The following SOD2 variants were observed in gnomAD, a reference collection of about 807,000 sequenced individuals.
The protein encoded by SOD2 is superoxide dismutase 2.
Under a neutral mutation model 27.0 loss-of-function variants are expected in SOD2, and 11 were observed. The ratio of observed to expected loss-of-function variants is 0.41; its 90% CI spans 0.26 to 0.67. The LOEUF (loss-of-function observed/expected upper bound fraction) is 0.67. Ranked by LOEUF, SOD2 falls within the 30% of genes least tolerant of loss-of-function variation. SOD2 has a pLI of 0.34. For synonymous variants in SOD2, 105 were observed against 103.0 expected, an observed-to-expected ratio of 1.02 and a Z score of -0.12; for missense variants, 250 against 274.5, an observed-to-expected ratio of 0.91 and a Z score of 0.63.
rs868650009 is a variant in SOD2, at chr6:159,677,905, A to G, written c.*4588T>C. 2.0e-5 allele frequency: 3 copies of G among 152,184 alleles called. No homozygotes were observed. The highest frequency in any genetic ancestry group is 2.9e-5 in the Non-Finnish European group (2 of 68,040). 9.4% of individuals were successfully genotyped at this position (152,184 alleles called of 1,614,324 possible). On this transcript the variant is annotated 3_prime_UTR_variant, in exon 5 of 5. Coordinates refer to ENST00000538183, the MANE Select transcript of SOD2 (RefSeq NM_000636.4). ...CCCTTGAAGTATCTTTGGTTTGCCAATGAAATGATTGGTGGCTGGGAGCCT... is the reference window on the plus strand; with the variant it reads ...CCCTTGAAGTATCTTTGGTTTGCCAGTGAAATGATTGGTGGCTGGGAGCCT...
chr6:159,698,935 G>A (rs1175865403), intron 1 of SOD2, among the ~76,000 whole-genome samples: 1 of 115,708 alleles, frequency 8.6e-6, no homozygotes, highest in African/African-American at 3.3e-5. Context: ...GCTGTCTGGG[G>A]GGTGGGGGGC....
chr6:159,725,545 G>A (rs1778142109), intron 1 of SOD2: 1 of 150,400 alleles, frequency 6.6e-6, no homozygotes, highest in African/African-American at 2.4e-5. Flanking sequence ...TTAGTTAACA[G>A]TTAAGTTCAT....
upstream of SOD2, among the ~76,000 whole-genome samples, chr6:159,729,753 G>C (rs544719022): frequency 1.3e-5 from 2 of 152,298 alleles, no homozygotes; most frequent in African/African-American, 4.8e-5. Context: ...TCAGTACCTT[G>C]CTACTACAGT....
At chr6:159,697,734 A>C (rs912319790), upstream of SOD2, among the ~76,000 whole-genome samples, 1 of 152,246 alleles carries the variant, frequency 6.6e-6, no homozygotes, top group African/African-American at 2.4e-5. Context: ...AAGCAAAGAC[A>C]GTGACTTGAC....
chr6:159,682,173 A>C lies in SOD2; in HGVS notation c.*320T>G, dbSNP rs1297633772. The C allele has an allele frequency of 5.6e-6, 1 of 177,402 alleles. No individual in the cohort carries two copies. The highest frequency in any genetic ancestry group is 1.2e-5 in the Non-Finnish European group (1 of 84,790). 11.0% of individuals were successfully genotyped at this position (177,402 alleles called of 1,614,324 possible). A position where few individuals can be genotyped will look rare whatever the true frequency, so the allele number is the denominator to read the frequency against. ...TCTATAACTGCAATAGAATAGGACTAGAAAGGCATCCCTACAAGTCCCCAA... is the reference window on the plus strand; with the variant it reads ...TCTATAACTGCAATAGAATAGGACTCGAAAGGCATCCCTACAAGTCCCCAA... On this transcript the variant is annotated 3_prime_UTR_variant, in exon 5 of 5. Transcript: ENST00000538183.
chr6:159,740,798 G>T lies in SOD2; in HGVS notation c.-116+4332C>A, dbSNP rs950854004. On this transcript the variant is annotated intron_variant, in intron 1 of 3. Transcript: ENST00000537657. ...GGCTCACTGCAACCGCCGCCTCCCG[G>T]TCAAGCGGTTCTCCTGCCTCAGCCT... Among the ~76,000 whole-genome samples, 3 of 151,332 alleles carry T rather than the reference G, an allele frequency of 2.0e-5. No individual in the cohort carries two copies. The East Asian group carries it at 5.8e-4, about 29-fold the overall frequency.
intron 1 of SOD2, chr6:159,755,744 TCTTTGTTTTTTTTTTCTTTTC>T (rs1779980400): frequency 1.7e-6 from 2 of 1,188,456 alleles, no homozygotes; most frequent in Admixed American, 7.9e-5. Context: ...TTGTTTTTTT[TCTTTGTTTTTTTTTTCTTTTC>T]TTTTTTTTTT....
chr6:159,714,360 G>A (rs145308482), intron 1 of SOD2, among the ~76,000 whole-genome samples: 99 of 152,184 alleles, frequency 6.5e-4, no homozygotes, highest in African/African-American at 2.3e-3. Flanking sequence ...TATTACATAC[G>A]GATTCTTCCC....
chr6:159,695,532 T>G (rs1399141686), upstream of SOD2, among the ~76,000 whole-genome samples: 1 of 152,164 alleles, frequency 6.6e-6, no homozygotes, highest in Non-Finnish European at 1.5e-5. Flanking sequence ...CTTTTTCTTT[T>G]TGTCGCCCAG....
upstream of SOD2, chr6:159,727,374 T>TGGCAGGAGGCAGGAGGCGGGAGGCGGGA (rs776889635): frequency 1.5e-5 from 15 of 1,033,244 alleles, no homozygotes; most frequent in African/African-American, 1.6e-4. Context: ...GCGGGGAGGC[T>TGGCAGGAGGCAGGAGGCGGGAGGCGGGA]GGCGGGAGGC....
Position 159,712,766 on chromosome 6 carries a change from C to T in SOD2, c.-116+14363G>A, listed in dbSNP as rs545551293. On this transcript the variant is annotated intron_variant, in intron 1 of 2. Transcript: ENST00000401980. ...CAGACCACCATAACCACCTCCACAACCACCACTCAGCTGCATAACTAGACT... is the reference window on the plus strand; with the variant it reads ...CAGACCACCATAACCACCTCCACAATCACCACTCAGCTGCATAACTAGACT... The T allele has an allele frequency of 6.1e-6, 3 of 489,372 alleles. 1 individual carries two copies. The highest frequency in any genetic ancestry group is 5.1e-5 in the South Asian group (3 of 59,190). 30.3% of individuals were successfully genotyped at this position (489,372 alleles called of 1,614,324 possible).
upstream of SOD2, among the ~76,000 whole-genome samples, chr6:159,746,821 A>G (rs1161776103): frequency 3.3e-5 from 5 of 152,344 alleles, no homozygotes; most frequent in East Asian, 5.8e-4. Context: ...TCCCTAGAAC[A>G]TGGAATTTAT....
intron 1 of SOD2, chr6:159,712,692 AG>A (rs1376376113): frequency 1.1e-4 from 40 of 353,622 alleles, no homozygotes; most frequent in Non-Finnish European, 1.8e-4. Context: ...ACCACGACTC[AG>A]CTGCTCTGAC....
chr6:159,738,877 A>G (rs1430997214), intron 1 of SOD2: 1 of 689,158 alleles, frequency 1.5e-6, no homozygotes, highest in Non-Finnish European at 2.3e-6. Context: ...AAAAAATCAT[A>G]ATATGTACTG....
Position 159,721,822 on chromosome 6 carries a change from G to C in SOD2, c.-116+5307C>G, listed in dbSNP as rs9347336. On this transcript the variant is annotated intron_variant, in intron 1 of 2. Coordinates refer to the SOD2 transcript ENST00000401980. ...TTACAGGCGTAAGCCACCACACCCA[G>C]CCTGTAATTTCTTTTACAATTAGGT... Among the ~76,000 whole-genome samples the C allele has an allele frequency of 3.3e-5, 5 of 151,864 alleles. No homozygotes were observed. In the East Asian group the frequency reaches 9.7e-4, roughly 29 times the overall value.
chr6:159,744,481 AT>A (rs1455875478), intron 1 of SOD2, among the ~76,000 whole-genome samples: 1 of 152,160 alleles, frequency 6.6e-6, no homozygotes, highest in Non-Finnish European at 1.5e-5. Flanking sequence ...GTCTTCTAAG[AT>A]AGTATTCTGG....
intron 1 of SOD2, chr6:159,753,683 G>T (rs1428364993): frequency 2.6e-6 from 4 of 1,514,196 alleles, no homozygotes; most frequent in African/African-American, 1.4e-5. Flanking sequence ...TGCCAGTCAT[G>T]AATATTATAG....
upstream of SOD2, among the ~76,000 whole-genome samples, chr6:159,696,136 C>T (rs1346399444): frequency 1.3e-5 from 2 of 152,122 alleles, no homozygotes; most frequent in Non-Finnish European, 2.9e-5. Flanking sequence ...CCTCATGTAA[C>T]AAAGATCTGG....
Position 159,682,362 on chromosome 6 carries a change from G to T in SOD2, c.*131C>A. On this transcript the variant is annotated 3_prime_UTR_variant, in exon 5 of 5. Coordinates refer to ENST00000538183, the MANE Select transcript of SOD2 (RefSeq NM_000636.4). ...AAGAAATTATTCAGAACATTAAGTT[G>T]TTTATGAAATAAGTGACTAAGCAAC... is the stretch of plus-strand genomic sequence containing the variant. 1 of 657,044 alleles carries T rather than the reference G, an allele frequency of 1.5e-6. No homozygotes were observed. The highest frequency in any genetic ancestry group is 2.3e-6 in the Non-Finnish European group (1 of 430,894). 40.7% of individuals were successfully genotyped at this position (657,044 alleles called of 1,614,324 possible).
Sources: gnomAD v4.1 joint callset for allele counts (sites outside exome capture counted in the v4.1 genomes callset) on GRCh38, gnomAD v4.1.1 for gene constraint, MANE v1.5 for transcripts, NCBI Gene and HGNC (gene_info 2026-07-23, HGNC 2026-07-21) for gene names.